The following AJAP1 variants were observed in gnomAD, a reference collection of about 807,000 sequenced individuals.
AJAP1 encodes adherens junctions associated protein 1.
In AJAP1, 5 loss-of-function variants were observed where a neutral mutation model predicts 35.0. The observed-to-expected ratio is 0.14, with a 90% CI of 0.07 to 0.30. AJAP1 has a LOEUF of 0.30. Ranked by LOEUF, AJAP1 falls within the 10% of genes least tolerant of loss-of-function variation. The probability of loss-of-function intolerance (pLI) is 1.00; values close to 1 mark genes in which losing one functional copy is unlikely to be tolerated. For missense variants in AJAP1, 586 were observed against 571.0 expected (o/e 1.03, Z -0.27); for synonymous variants, 284 against 249.3 (o/e 1.14, Z -1.31).
chr1:4,781,643 T>C (rs1338326016), intron 5 of AJAP1, among the ~76,000 whole-genome samples: 1 of 152,204 alleles, frequency 6.6e-6, no homozygotes, highest in Non-Finnish European at 1.5e-5. Context: ...AGGGTCCTGA[T>C]TGCCTGTAGT....
intron 1 of AJAP1, among the ~76,000 whole-genome samples, chr1:4,686,707 G>A (rs537487225): frequency 3.9e-5 from 6 of 152,314 alleles, no homozygotes; most frequent in Admixed American, 6.5e-5. Flanking sequence ...AGATGCCCAC[G>A]TGGATGGAGC....
chr1:4,743,848 G>C (rs1641125648), intron 2 of AJAP1, among the ~76,000 whole-genome samples: 1 of 152,176 alleles, frequency 6.6e-6, no homozygotes, highest in Non-Finnish European at 1.5e-5. Flanking sequence ...TGACTTCAAT[G>C]ATGCCTGCAT....
rs58022692 is a variant in AJAP1 at position 4,705,395 on chromosome 1, C to CTTTTTTT, written c.30-6477_30-6471dup. 3.4e-4 allele frequency among the ~76,000 whole-genome samples: 8 copies of CTTTTTTT among 23,802 alleles called. 1 individual carries two copies. Among genetic ancestry groups the CTTTTTTT allele is most frequent in the East Asian group, 4.5e-3 (2 of 440 alleles). The allele number at this position is 23,802 out of a possible 152,430, so 15.6% of individuals were successfully genotyped here. On this transcript the variant is annotated intron_variant, in intron 1 of 5. Coordinates refer to ENST00000378191, the MANE Select transcript of AJAP1 (RefSeq NM_018836.4). Reference sequence around the variant, plus strand: ...AGCCAAATGGGGAAGTTTTGAAGAGCTTTTTTTTTTTTTTTTTTTTTTTTT... The same window carrying CTTTTTTT: ...AGCCAAATGGGGAAGTTTTGAAGAGCTTTTTTTTTTTTTTTTTTTTTTTTTTTTTTTT...
intron 5 of AJAP1, among the ~76,000 whole-genome samples, chr1:4,777,140 G>T (rs1298245202): frequency 6.6e-6 from 1 of 152,230 alleles, no homozygotes; most frequent in Admixed American, 6.5e-5. Flanking sequence ...GGACATGAGC[G>T]TCGGGTGCAG....
chr1:4,691,512 G>A (rs1159622158), intron 1 of AJAP1, among the ~76,000 whole-genome samples: 6 of 152,224 alleles, frequency 3.9e-5, no homozygotes, highest in Admixed American at 6.5e-5. Context: ...TGCTAGGCCC[G>A]GGAGTGGCTC....
chr1:4,769,455 G>A (rs1303484296), intron 2 of AJAP1, among the ~76,000 whole-genome samples: 3 of 152,184 alleles, frequency 2.0e-5, no homozygotes, highest in Non-Finnish European at 4.4e-5. Context: ...ACTGGCCCAG[G>A]GTGTGAGGGG....
intron 1 of AJAP1, among the ~76,000 whole-genome samples, chr1:4,702,580 G>T (rs1028843140): frequency 6.6e-6 from 1 of 152,212 alleles, no homozygotes; most frequent in Non-Finnish European, 1.5e-5. Flanking sequence ...CCTTGGAGTG[G>T]ACTGGGCCAG....
intron 1 of AJAP1, among the ~76,000 whole-genome samples, chr1:4,698,489 G>A (rs907040661): frequency 6.6e-6 from 1 of 152,226 alleles, no homozygotes; most frequent in African/African-American, 2.4e-5. Flanking sequence ...GTGGGCTGTT[G>A]TACCTACCTT....
intron 1 of AJAP1, among the ~76,000 whole-genome samples, chr1:4,699,792 T>G (rs905341841): frequency 1.4e-4 from 22 of 152,268 alleles, no homozygotes; most frequent in Non-Finnish European, 2.9e-4. Context: ...AGCTACTATT[T>G]CTGTGTTTTT....
At chr1:4,781,017 C>A (rs1468532111) in intron 5 of AJAP1, among the ~76,000 whole-genome samples, 8 of 152,098 alleles carry the variant, frequency 5.3e-5, no homozygotes. Context: ...CAGAGGGGTC[C>A]AGGGAAAGAT....
chr1:4,686,351 C>T (rs988055410), intron 1 of AJAP1, among the ~76,000 whole-genome samples: 1 of 152,100 alleles, frequency 6.6e-6, no homozygotes. Flanking sequence ...AAGTTCCTAC[C>T]CTTGATTGCC....
intron 2 of AJAP1, among the ~76,000 whole-genome samples, chr1:4,733,062 T>A (rs1160460934): frequency 6.6e-6 from 1 of 152,152 alleles, no homozygotes; most frequent in Non-Finnish European, 1.5e-5. Context: ...AAGAAGCTGT[T>A]AAAATGCTTA....
At chr1:4,732,378 A>G (rs564666512) in intron 2 of AJAP1, among the ~76,000 whole-genome samples, 1 of 152,350 alleles carries the variant, frequency 6.6e-6, no homozygotes, top group African/African-American at 2.4e-5. Context: ...GGCCATGCCT[A>G]TGTGAAAGGG....
intron 1 of AJAP1, among the ~76,000 whole-genome samples, chr1:4,673,091 T>A (rs1362414219): frequency 6.6e-6 from 1 of 152,122 alleles, no homozygotes; most frequent in Non-Finnish European, 1.5e-5. Flanking sequence ...TGGAAACAGA[T>A]TCTTCCCCAA....
chr1:4,725,949 G>C (rs911563949), intron 2 of AJAP1, among the ~76,000 whole-genome samples: 4 of 152,218 alleles, frequency 2.6e-5, no homozygotes, highest in African/African-American at 9.6e-5. Context: ...AGTCACATTA[G>C]GGGGTGGAGC....
rs1642142973 is a variant in AJAP1 at position 4,785,263 on chromosome 1, A to T, written c.*2778A>T. ...CACAGATTCAAGGCAGGGCTGTGAGACCCACACAGGCACAAACACCAGACA... is the reference window on the plus strand; with the variant it reads ...CACAGATTCAAGGCAGGGCTGTGAGTCCCACACAGGCACAAACACCAGACA... On this transcript the variant is annotated 3_prime_UTR_variant, in exon 6 of 6. Transcript: ENST00000378191. 6.6e-6 allele frequency: 1 copy of T among 152,226 alleles called. No homozygotes were observed. The highest frequency in any genetic ancestry group is 2.1e-4 in the South Asian group (1 of 4,824). The allele number at this position is 152,226 out of a possible 1,614,324, so 9.4% of individuals were successfully genotyped here.
chr1:4,686,538 C>A (rs17344947), intron 1 of AJAP1, among the ~76,000 whole-genome samples: 1 of 152,164 alleles, frequency 6.6e-6, no homozygotes, highest in Admixed American at 6.5e-5. Flanking sequence ...AAATGATAAA[C>A]CCCAGTCTTT....
intron 2 of AJAP1, among the ~76,000 whole-genome samples, chr1:4,717,058 A>G (rs975295873): frequency 2.0e-5 from 3 of 152,230 alleles, no homozygotes; most frequent in Admixed American, 1.3e-4. Context: ...GAGGCTCCCC[A>G]CAGTGCAGCC....
intron 2 of AJAP1, among the ~76,000 whole-genome samples, chr1:4,716,725 T>A (rs1640400708): frequency 6.6e-6 from 1 of 151,756 alleles, no homozygotes; most frequent in Non-Finnish European, 1.5e-5. Flanking sequence ...ATGATGATGG[T>A]GATGATGGAG....
Sources: gnomAD v4.1 joint callset for allele counts (sites outside exome capture counted in the v4.1 genomes callset) on GRCh38, gnomAD v4.1.1 for gene constraint, MANE v1.5 for transcripts, NCBI Gene and HGNC (gene_info 2026-07-23, HGNC 2026-07-21) for gene names.